RPAP3: variants seen among roughly 807,000 people sequenced by gnomAD.
RPAP3 encodes the protein RNA polymerase II associated protein 3.
In RPAP3, 58 loss-of-function variants were observed where a neutral mutation model predicts 88.8. The observed-to-expected ratio is 0.65, with a 90% CI of 0.53 to 0.81. The LOEUF (loss-of-function observed/expected upper bound fraction) is 0.81, where lower values mean the gene tolerates loss of function less well. Ranked by LOEUF, RPAP3 falls within the 40% of genes least tolerant of loss-of-function variation. The pLI, the probability that RPAP3 is intolerant of heterozygous loss-of-function variation, is 0.00. For synonymous variants in RPAP3, 255 were observed against 259.9 expected (o/e 0.98, Z 0.18); for missense variants, 751 against 764.3 (o/e 0.98, Z 0.20).
intron 3 of RPAP3, among the ~76,000 whole-genome samples, chr12:47,698,802 G>A (rs1458397071): frequency 6.6e-6 from 1 of 152,044 alleles, no homozygotes. Context: ...GTAAGCCACC[G>A]TGACGACCAT....
At chr12:47,686,038 G>A (rs1437467255) in intron 9 of RPAP3, among the ~76,000 whole-genome samples, 6 of 152,146 alleles carry the variant, frequency 3.9e-5, no homozygotes, top group Non-Finnish European at 1.5e-5. Context: ...AATATCCTGA[G>A]AAGCGTTCAA....
intron 10 of RPAP3, 33 bp from the exon 11 acceptor site, chr12:47,679,807 A>G (rs754367216): frequency 4.9e-6 from 7 of 1,425,216 alleles, no homozygotes; most frequent in Non-Finnish European, 4.9e-6. Context: ...ATTACAACAT[A>G]GTTAAAATGT....
rs778328621 is a variant in RPAP3, at chr12:47,689,161, G to T, written c.702C>A (p.Asn234Lys). ...TCCTGAGTTCATTTGTTGCTTCAAA[G>T]TTATTTGGTTCTAGTTCTAATACTC... is the stretch of plus-strand genomic sequence containing the variant. ...YERVLELEPN[N>K]FEATNELRKI... The change falls in exon 7 of 17, where the codon AAC (asparagine) becomes AAA (lysine). Residue 234 changes from asparagine to lysine, a missense_variant. Asn to Lys is a moderately conservative substitution (Grantham distance 94). Transcript: ENST00000005386. The T allele has an allele frequency of 1.3e-6, 2 of 1,483,132 alleles. No homozygotes were observed. Among genetic ancestry groups the T allele is most frequent in the African/African-American group, 1.4e-5 (1 of 71,632 alleles). The allele number at this position is 1,483,132 out of a possible 1,614,324, so 91.9% of individuals were successfully genotyped here. A position where few individuals can be genotyped will look rare whatever the true frequency, so the allele number is the denominator to read the frequency against.
At chr12:47,683,955 C>A (rs1377158405) in intron 9 of RPAP3, among the ~76,000 whole-genome samples, 2 of 152,118 alleles carry the variant, frequency 1.3e-5, no homozygotes, top group African/African-American at 2.4e-5. Context: ...AACTCTCAAC[C>A]CTGTTTCCCA....
chr12:47,661,645 C>T lies in RPAP3; in HGVS notation c.*1860G>A, dbSNP rs1938761611. The T allele has an allele frequency of 6.6e-6, 1 of 152,152 alleles. No individual in the cohort carries two copies. The highest frequency in any genetic ancestry group is 2.4e-5 in the African/African-American group (1 of 41,420). The allele number at this position is 152,152 out of a possible 1,614,324, so 9.4% of individuals were successfully genotyped here. A position where few individuals can be genotyped will look rare whatever the true frequency, so the allele number is the denominator to read the frequency against. On this transcript the variant is annotated 3_prime_UTR_variant, in exon 17 of 17. Coordinates refer to ENST00000005386, the MANE Select transcript of RPAP3 (RefSeq NM_024604.3). The stretch of plus-strand genomic sequence containing the variant: ...TTAAAATTCAAATTCTATAGTAAAT[C>T]TTGTGATCTGTACTTCTTCAGTTAA...
chr12:47,702,772 GTCTTGTAAT>G lies in RPAP3; in HGVS notation c.60_68del (p.Glu20_Gln22del). On this transcript the variant is annotated inframe_deletion, in exon 2 of 17. Coordinates refer to ENST00000005386, the MANE Select transcript of RPAP3 (RefSeq NM_024604.3). ...CCCAGTTTTCTAAATCCCGCATAAA[GTCTTGTAAT>G]TCTTCTGCATTTTGTTTCACTTGTA... 1 of 1,612,220 alleles carries G rather than the reference GTCTTGTAAT, an allele frequency of 6.2e-7. No homozygotes were observed. Among genetic ancestry groups the G allele is most frequent in the Non-Finnish European group, 8.5e-7 (1 of 1,178,656 alleles).
chr12:47,697,513 C>CT, intron 4 of RPAP3, 84 bp downstream of exon 4: 1 of 1,315,040 alleles, frequency 7.6e-7, no homozygotes, highest in Non-Finnish European at 1.1e-6. Flanking sequence ...CGTACTAAAA[C>CT]TATGCTCAAG....
At chr12:47,678,625 G>T (rs1475126167) in intron 12 of RPAP3, among the ~76,000 whole-genome samples, 1 of 152,208 alleles carries the variant, frequency 6.6e-6, no homozygotes, top group Non-Finnish European at 1.5e-5. Flanking sequence ...AGACATTTAT[G>T]CAGCCAACAG....
intron 13 of RPAP3, 27 bp from the exon 14 acceptor site, chr12:47,669,129 G>A (rs1282141495): frequency 1.3e-6 from 2 of 1,531,488 alleles, no homozygotes; most frequent in Admixed American, 1.8e-5. Flanking sequence ...GTATCAAACA[G>A]AAAAGAACCA....
rs1038540943 is a variant in RPAP3, at chr12:47,701,559, C to T, written c.199G>A (p.Gly67Ser). Residue 67 changes from glycine to serine, a missense_variant, in exon 3 of 17, where the codon GGC becomes AGC. Physicochemically the swap from Gly to Ser is moderately conservative, Grantham distance 56. Transcript: ENST00000005386. ...RNGNFRKKKK[G>S]KAKESSKKTR... ...TTTTTGGAAGACTCTTTAGCTTTGC[C>T]TTTCTTCTTTTTCCTAAAATTCCCA... 1.3e-5 allele frequency: 21 copies of T among 1,592,208 alleles called. No homozygotes were observed. The highest frequency in any genetic ancestry group is 1.8e-5 in the Non-Finnish European group (21 of 1,171,344).
chr12:47,673,023 T>C (rs1238684385), intron 12 of RPAP3, among the ~76,000 whole-genome samples: 1 of 152,170 alleles, frequency 6.6e-6, no homozygotes, highest in Non-Finnish European at 1.5e-5. Flanking sequence ...TTAAACTACA[T>C]TTAATTAAAT....
intron 12 of RPAP3, 97 bp downstream of exon 12, chr12:47,679,396 T>C (rs1274250854): frequency 2.8e-6 from 2 of 726,154 alleles, no homozygotes; most frequent in Non-Finnish European, 4.6e-6. Flanking sequence ...TAAAGTATAA[T>C]TAAAAAAAAA....
At chr12:47,695,572 A>C (rs1329557737) in intron 5 of RPAP3, among the ~76,000 whole-genome samples, 2 of 152,156 alleles carry the variant, frequency 1.3e-5, no homozygotes, top group Admixed American at 1.3e-4. Context: ...ATTTTAAACT[A>C]TTCTCTGTAA....
Position 47,697,657 on chromosome 12 carries a change from T to G in RPAP3, c.357A>C (p.Ser119=). ...DSTHESLSQE[S]ESEEDGIHVD... ...CATGAATCCCATCTTCTTCCGACTC[T>G]GATTCTTGAGACAGAGACTCATGGG... The change falls in exon 4 of 17, where the codon TCA becomes TCC. Residue 119 remains serine, a synonymous_variant. Transcript: ENST00000005386. 6.2e-7 allele frequency: 1 copy of G among 1,610,762 alleles called. No homozygotes were observed. Among genetic ancestry groups the G allele is most frequent in the Non-Finnish European group, 8.5e-7 (1 of 1,178,294 alleles).
chr12:47,669,192 G>A lies in RPAP3; in HGVS notation c.1527-90C>T, dbSNP rs575198388. ...CATCAATAAAAATTTTTAAATTTTTGACTATTAATATTGTATTATCTATTT... is the reference window on the plus strand; with the variant it reads ...CATCAATAAAAATTTTTAAATTTTTAACTATTAATATTGTATTATCTATTT... On this transcript the variant is annotated intron_variant, in intron 13 of 16. Coordinates refer to ENST00000005386, the MANE Select transcript of RPAP3 (RefSeq NM_024604.3). 51 of 779,026 alleles carry A rather than the reference G, an allele frequency of 6.5e-5. 1 individual carries two copies. Among genetic ancestry groups the A allele is most frequent in the Admixed American group, 6.1e-4 (25 of 41,044 alleles). The allele number at this position is 779,026 out of a possible 1,614,324, so 48.3% of individuals were successfully genotyped here. A position where few individuals can be genotyped will look rare whatever the true frequency, so the allele number is the denominator to read the frequency against.
intron 12 of RPAP3, among the ~76,000 whole-genome samples, chr12:47,675,934 G>A (rs1410340969): frequency 6.6e-6 from 1 of 152,158 alleles, no homozygotes; most frequent in South Asian, 2.1e-4. Context: ...TAAATCAACA[G>A]AATATACATT....
intron 12 of RPAP3, among the ~76,000 whole-genome samples, chr12:47,675,401 T>G (rs1024907194): frequency 1.3e-5 from 2 of 152,148 alleles, no homozygotes; most frequent in African/African-American, 4.8e-5. Flanking sequence ...ATAACAATAT[T>G]ACCCTTAAAT....
chr12:47,689,225 T>C, intron 6 of RPAP3, 30 bp from the exon 7 acceptor site: 1 of 935,478 alleles, frequency 1.1e-6, no homozygotes, highest in Non-Finnish European at 1.6e-6. Flanking sequence ...AAAAAAATTT[T>C]TAAAGATAGG....
intron 14 of RPAP3, among the ~76,000 whole-genome samples, chr12:47,668,359 T>C (rs1163215301): frequency 6.6e-6 from 1 of 152,010 alleles, no homozygotes; most frequent in East Asian, 1.9e-4. Flanking sequence ...ATATACACCA[T>C]CCTAAGAGAG....
Sources: gnomAD v4.1 joint callset for allele counts (sites outside exome capture counted in the v4.1 genomes callset) on GRCh38, gnomAD v4.1.1 for gene constraint, MANE v1.5 for transcripts, NCBI Gene and HGNC (gene_info 2026-07-23, HGNC 2026-07-21) for gene names.